Variants in LIFR observed in about 807,000 individuals in gnomAD.
The protein encoded by LIFR is LIF receptor subunit alpha.
LIFR carries 84 observed loss-of-function variants against 122.2 expected under a neutral mutation model. That is an observed-to-expected ratio of 0.69 (90% confidence interval 0.58 to 0.82). The LOEUF is 0.82. Among genes scored for constraint, LIFR ranks in the 40% least tolerant of loss-of-function variants. LIFR has a pLI of 0.00. For missense variants in LIFR, 1,294 were observed against 1,311.6 expected, an observed-to-expected ratio of 0.99 and a Z score of 0.21; for synonymous variants, 422 against 434.7, an observed-to-expected ratio of 0.97 and a Z score of 0.36.
rs1484400949 is a variant in LIFR, at chr5:38,477,728, C to T, written c.*3867G>A. The T allele has an allele frequency of 4.6e-6, 1 of 218,390 alleles. No homozygotes were observed. Among genetic ancestry groups the T allele is most frequent in the East Asian group, 6.7e-5 (1 of 14,822 alleles). 13.5% of individuals were successfully genotyped at this position (218,390 alleles called of 1,614,324 possible). On this transcript the variant is annotated 3_prime_UTR_variant, in exon 20 of 20. Transcript: ENST00000453190. ...CTAGATTTTGGTGTGTATCACCCTT[C>T]AGGAAAATTCTGTTGAATCTGTGAC...
At chr5:38,499,631 T>C in intron 11 of LIFR, 48 bp from the exon 12 acceptor site, 2 of 1,280,182 alleles carry the variant, frequency 1.6e-6, no homozygotes. Context: ...ATACTATATG[T>C]ATATGGTGCT....
intron 5 of LIFR, among the ~76,000 whole-genome samples, chr5:38,515,339 A>G (rs1436511511): frequency 6.6e-6 from 1 of 152,020 alleles, no homozygotes. Flanking sequence ...AAGCCCTCAG[A>G]GATTTATTCG....
intron 15 of LIFR, among the ~76,000 whole-genome samples, chr5:38,489,567 G>C (rs558782969): frequency 8.5e-5 from 13 of 152,200 alleles, no homozygotes; most frequent in Non-Finnish European, 1.9e-4. Flanking sequence ...CATCTTTATT[G>C]ATAGTCCTGA....
chr5:38,565,981 T>C (rs1749011140), intron 1 of LIFR, among the ~76,000 whole-genome samples: 2 of 152,202 alleles, frequency 1.3e-5, no homozygotes, highest in African/African-American at 4.8e-5. Context: ...GACAAAGCCC[T>C]TTGTCTTATG....
chr5:38,518,546 G>T (rs1047825120), intron 5 of LIFR, among the ~76,000 whole-genome samples: 1 of 152,116 alleles, frequency 6.6e-6, no homozygotes, highest in Non-Finnish European at 1.5e-5. Context: ...ATAGTGCAAC[G>T]TATTACTCAT....
At chr5:38,483,892 G>A (rs1238295906) in intron 18 of LIFR, among the ~76,000 whole-genome samples, 1 of 152,088 alleles carries the variant, frequency 6.6e-6, no homozygotes, top group African/African-American at 2.4e-5. Flanking sequence ...GTGAGGACTG[G>A]TCTAAGCATG....
intron 1 of LIFR, among the ~76,000 whole-genome samples, chr5:38,592,894 T>A (rs1349555662): frequency 1.3e-5 from 2 of 151,924 alleles, no homozygotes; most frequent in East Asian, 3.9e-4. Context: ...CTTTCCTGAT[T>A]AGCCAGGAAA....
At chr5:38,553,615 AT>A (rs1427064305) in intron 1 of LIFR, among the ~76,000 whole-genome samples, 3 of 100,870 alleles carry the variant, frequency 3.0e-5, no homozygotes, top group Admixed American at 1.2e-4. Context: ...AGTTTGGACC[AT>A]TTAAACTATA....
chr5:38,484,433 G>A (rs1490394817), intron 18 of LIFR, among the ~76,000 whole-genome samples: 1 of 152,164 alleles, frequency 6.6e-6, no homozygotes, highest in African/African-American at 2.4e-5. Flanking sequence ...TTTCTAAATA[G>A]GTCACCAGGG....
chr5:38,499,193 T>A (rs1415489421), intron 12 of LIFR, among the ~76,000 whole-genome samples: 5 of 152,158 alleles, frequency 3.3e-5, no homozygotes, highest in Non-Finnish European at 7.4e-5. Flanking sequence ...GAAAAAAATA[T>A]AACAAACACT....
At chr5:38,487,108 G>T (rs1359635397) in intron 16 of LIFR, among the ~76,000 whole-genome samples, 1 of 152,020 alleles carries the variant, frequency 6.6e-6, no homozygotes, top group African/African-American at 2.4e-5. Flanking sequence ...CCCATCCCTT[G>T]CCTCCTGCAC....
At chr5:38,582,637 G>C (rs879540919) in intron 1 of LIFR, among the ~76,000 whole-genome samples, 19 of 152,094 alleles carry the variant, frequency 1.2e-4, no homozygotes, top group Admixed American at 1.2e-3. Flanking sequence ...TTATCTCCAT[G>C]AACCACCAGT....
chr5:38,513,703 A>G (rs1391203124), intron 5 of LIFR, among the ~76,000 whole-genome samples: 2 of 152,190 alleles, frequency 1.3e-5, no homozygotes, highest in Non-Finnish European at 2.9e-5. Context: ...TGAAATACCT[A>G]AAATAATATT....
Position 38,502,900 on chromosome 5 carries a change from C to T in LIFR, c.1438-101G>A, listed in dbSNP as rs1745268182. 5 of 613,420 alleles carry T rather than the reference C, an allele frequency of 8.2e-6. No individual in the cohort carries two copies. The East Asian group carries it at 1.3e-4, about 16-fold the overall frequency. The allele number at this position is 613,420 out of a possible 1,614,324, so 38.0% of individuals were successfully genotyped here. A position where few individuals can be genotyped will look rare whatever the true frequency, so the allele number is the denominator to read the frequency against. ...ATACACTTTTTTTTGGTAAGAAAGC[C>T]TTCACATTTGTAACACAAACCAACG... On this transcript the variant is annotated intron_variant, in intron 10 of 19. Transcript: ENST00000453190.
Position 38,481,003 on chromosome 5 carries a change from C to T in LIFR, c.*592G>A. On this transcript the variant is annotated 3_prime_UTR_variant, in exon 20 of 20. Coordinates refer to ENST00000453190, the MANE Select transcript of LIFR (RefSeq NM_001127671.2). ...TTTGATAACCATTATACAGTAGGCA[C>T]AGAAATAAGCATACTTTATCAAACA... 1 of 226,434 alleles carries T rather than the reference C, an allele frequency of 4.4e-6. No individual in the cohort carries two copies. 14.0% of individuals were successfully genotyped at this position (226,434 alleles called of 1,614,324 possible).
At chr5:38,568,702 C>T (rs1489230712) in intron 1 of LIFR, among the ~76,000 whole-genome samples, 3 of 152,186 alleles carry the variant, frequency 2.0e-5, no homozygotes, top group African/African-American at 7.2e-5. Context: ...TCATTTGCTA[C>T]ATTCGTGCAT....
intron 1 of LIFR, among the ~76,000 whole-genome samples, chr5:38,564,230 C>T (rs2112698853): frequency 9.1e-6 from 1 of 109,870 alleles, no homozygotes; most frequent in South Asian, 3.6e-4. Context: ...CTTTGAGACC[C>T]CATGATTGGA....
At position 38,479,573 on chromosome 5, in the gene LIFR, C is replaced by A; in HGVS notation, c.*2022G>T. 4.3e-6 allele frequency: 1 copy of A among 231,034 alleles called. No homozygotes were observed. Among genetic ancestry groups the A allele is most frequent in the East Asian group, 6.1e-5 (1 of 16,338 alleles). The allele number at this position is 231,034 out of a possible 1,614,324, so 14.3% of individuals were successfully genotyped here. A position where few individuals can be genotyped will look rare whatever the true frequency, so the allele number is the denominator to read the frequency against. ...TTTTCTCATTATCTCAGGTTAGCGC[C>A]GTTTAGAGCAATAAACTTTTACTGT... On this transcript the variant is annotated 3_prime_UTR_variant, in exon 20 of 20. Transcript: ENST00000453190.
At chr5:38,538,416 T>C (rs1341334958) in intron 1 of LIFR, among the ~76,000 whole-genome samples, 1 of 152,212 alleles carries the variant, frequency 6.6e-6, no homozygotes, top group South Asian at 2.1e-4. Flanking sequence ...ACAAATCCAC[T>C]CAAGTAAGGT....
Sources: allele counts gnomAD v4.1 joint callset (sites outside exome capture counted in the v4.1 genomes callset), GRCh38; gene constraint gnomAD v4.1.1; transcripts MANE v1.5; gene names NCBI Gene and HGNC (gene_info 2026-07-23, HGNC 2026-07-21).